The following ZEB2 variants were observed in gnomAD, a reference collection of about 807,000 sequenced individuals.
ZEB2 encodes zinc finger E-box binding homeobox 2.
Under a neutral mutation model 99.9 loss-of-function variants are expected in ZEB2, and 6 were observed. The ratio of observed to expected loss-of-function variants is 0.06; its 90% CI spans 0.03 to 0.12. The LOEUF (loss-of-function observed/expected upper bound fraction) is 0.12, where lower values mean the gene tolerates loss of function less well. ZEB2 is among the 10% of genes least tolerant of loss of function. The pLI, the probability that ZEB2 is intolerant of heterozygous loss-of-function variation, is 1.00. For missense variants in ZEB2, 969 were observed against 1,502.8 expected, an observed-to-expected ratio of 0.64 and a Z score of 5.87; for synonymous variants, 517 against 542.5, an observed-to-expected ratio of 0.95 and a Z score of 0.65.
chr2:144,424,814 C>A lies in ZEB2; in HGVS notation c.385G>T (p.Ala129Ser). Residue 129 changes from alanine (A) to serine (S), a missense_variant, in exon 4 of 10, where the codon GCA becomes TCA. Coordinates refer to ENST00000627532, the MANE Select transcript of ZEB2 (RefSeq NM_014795.4). ...AACTCACCTGTACCATTGTTAATTGCGGTCTGGATCGTGGCTTCTGGCCCC... is the reference window on the plus strand; with the variant it reads ...AACTCACCTGTACCATTGTTAATTGAGGTCTGGATCGTGGCTTCTGGCCCC... ...TMGPEATIQT[A>S]INNGTVKNAN... The A allele has an allele frequency of 6.2e-7, 1 of 1,613,960 alleles. No homozygotes were observed. The highest frequency in any genetic ancestry group is 8.5e-7 in the Non-Finnish European group (1 of 1,179,912).
intron 2 of ZEB2, among the ~76,000 whole-genome samples, chr2:144,446,743 G>A (rs1229524270): frequency 2.0e-5 from 3 of 151,902 alleles, no homozygotes; most frequent in South Asian, 2.1e-4. Flanking sequence ...GGCTGGACGC[G>A]GTGGCTCACA....
chr2:144,470,331 T>C (rs1704336618), intron 2 of ZEB2: 1 of 152,160 alleles, frequency 6.6e-6, no homozygotes, highest in Admixed American at 6.6e-5. Context: ...TTGCCTTGAA[T>C]AGAGATCACA....
At chr2:144,489,812 C>T (rs1196567367) in intron 2 of ZEB2, among the ~76,000 whole-genome samples, 1 of 152,158 alleles carries the variant, frequency 6.6e-6, no homozygotes, top group East Asian at 1.9e-4. Context: ...GTAAGCAGAA[C>T]ACAAAAGGAA....
chr2:144,469,944 C>A (rs140781958), intron 2 of ZEB2, among the ~76,000 whole-genome samples: 13 of 152,156 alleles, frequency 8.5e-5, no homozygotes, highest in Non-Finnish European at 8.8e-5. Context: ...AACAACTTCA[C>A]GCTGTATTAC....
At chr2:144,474,974 C>G (rs1704410979) in intron 2 of ZEB2, among the ~76,000 whole-genome samples, 1 of 152,116 alleles carries the variant, frequency 6.6e-6, no homozygotes, top group Admixed American at 6.5e-5. Context: ...TCATTCAAAG[C>G]TGAAGTGCAG....
In ZEB2 at chr2:144,490,121, C is replaced by T. The variant is rs77157413; in HGVS notation, c.73+27157G>A. Among the ~76,000 whole-genome samples, 1,340 of 152,206 alleles carry T rather than the reference C, an allele frequency of 8.8e-3. 8 individuals are homozygous for T. The highest frequency in any genetic ancestry group is 0.02 in the Middle Eastern group (6 of 294). Reference sequence around the variant, plus strand: ...GATATTCTAATTAAACACCTAGTTCCCTGAAAGTGATGATCATTAGAGGCA... The same window carrying T: ...GATATTCTAATTAAACACCTAGTTCTCTGAAAGTGATGATCATTAGAGGCA... On this transcript the variant is annotated intron_variant, in intron 2 of 9. Transcript: ENST00000627532.
In ZEB2 at chr2:144,403,987, A is replaced by C; in HGVS notation, c.736T>G (p.Cys246Gly). 6.2e-7 allele frequency: 1 copy of C among 1,614,106 alleles called. No individual in the cohort carries two copies. The highest frequency in any genetic ancestry group is 8.5e-7 in the Non-Finnish European group (1 of 1,180,016). The change falls in exon 6 of 10, where the codon TGT (cysteine) becomes GGT (glycine). Residue 246 changes from cysteine (C) to glycine (G), a missense_variant. By Grantham distance (159) the Cys-to-Gly change is radical. Transcript: ENST00000627532. ...KNEENFSCPL[C>G]SYTFAYRTQL... Reference sequence around the variant, plus strand: ...GTGCGGTAGGCAAACGTGTAGCTACAGAGAGGGCAGGAAAAGTTCTCTTCA... The same window carrying C: ...GTGCGGTAGGCAAACGTGTAGCTACCGAGAGGGCAGGAAAAGTTCTCTTCA...
intron 2 of ZEB2, among the ~76,000 whole-genome samples, chr2:144,485,837 T>C (rs887079571): frequency 6.6e-6 from 1 of 152,112 alleles, no homozygotes; most frequent in African/African-American, 2.4e-5. Flanking sequence ...CAGACTAGTC[T>C]CCAACTCCTG....
intron 2 of ZEB2, chr2:144,513,186 CT>C (rs1347597362): frequency 7.8e-7 from 1 of 1,286,922 alleles, no homozygotes; most frequent in Non-Finnish European, 1.0e-6. Flanking sequence ...TTCTCCGTCC[CT>C]CATTGCCTCT....
intron 2 of ZEB2, among the ~76,000 whole-genome samples, chr2:144,484,643 GGAGCATATGCCTT>G (rs570567477): frequency 4.0e-4 from 61 of 152,290 alleles, no homozygotes; most frequent in Non-Finnish European, 7.2e-4. Flanking sequence ...AATGGGGCCA[GGAGCATATGCCTT>G]TCAATTCCTT....
In ZEB2 at chr2:144,456,558, C is replaced by A. The variant is rs184145815; in HGVS notation, c.74-26532G>T. On this transcript the variant is annotated intron_variant, in intron 2 of 9. Coordinates refer to ENST00000627532, the MANE Select transcript of ZEB2 (RefSeq NM_014795.4). Reference sequence around the variant, plus strand: ...TACTGGTTCACATGGGGGACTTCCACAAATTCTTTAATATACTGTGTATCT... The same window carrying A: ...TACTGGTTCACATGGGGGACTTCCAAAAATTCTTTAATATACTGTGTATCT... 7.2e-5 allele frequency among the ~76,000 whole-genome samples: 11 copies of A among 152,116 alleles called. No homozygotes were observed. In the East Asian group the frequency reaches 2.1e-3, roughly 29 times the overall value.
chr2:144,418,610 C>T (rs532248702), intron 4 of ZEB2, among the ~76,000 whole-genome samples: 2 of 152,110 alleles, frequency 1.3e-5, no homozygotes, highest in East Asian at 3.9e-4. Flanking sequence ...ATTGCTTGAA[C>T]CCAGGAGGCG....
intron 7 of ZEB2, 129 bp from the exon 8 acceptor site, chr2:144,400,399 T>C: frequency 2.0e-6 from 2 of 997,168 alleles, no homozygotes. Flanking sequence ...TCTAGGTACT[T>C]AGATTAGAAT....
chr2:144,514,041 T>G, intron 2 of ZEB2: 2 of 708,618 alleles, frequency 2.8e-6, no homozygotes, highest in Admixed American at 3.5e-5. Context: ...ATTTCATCCT[T>G]TCCATGTGGG....
At chr2:144,478,653 G>A (rs1488045119) in intron 2 of ZEB2, among the ~76,000 whole-genome samples, 2 of 152,166 alleles carry the variant, frequency 1.3e-5, no homozygotes, top group East Asian at 3.8e-4. Context: ...AATAGCATTT[G>A]TATTCAACGC....
chr2:144,404,370 G>T lies in ZEB2; in HGVS notation c.593-240C>A, dbSNP rs533539613. 7.4e-3 allele frequency among the ~76,000 whole-genome samples: 881 copies of T among 119,558 alleles called. 6 individuals are homozygous for T. Among genetic ancestry groups the T allele is most frequent in the African/African-American group, 0.025 (818 of 32,712 alleles). The allele number at this position is 119,558 out of a possible 152,430, so 78.4% of individuals were successfully genotyped here. On this transcript the variant is annotated intron_variant, in intron 5 of 9. Transcript: ENST00000627532. The stretch of plus-strand genomic sequence containing the variant: ...TAATTACTTCAGGTTTTTTTTTTTT[G>T]GGGGGGTGGGGGGGACTTAAACAGC...
chr2:144,438,811 G>A (rs1228490901), intron 2 of ZEB2, among the ~76,000 whole-genome samples: 1 of 152,150 alleles, frequency 6.6e-6, no homozygotes, highest in Non-Finnish European at 1.5e-5. Flanking sequence ...TTACTGTGTA[G>A]TATGTTTAAA....
intron 4 of ZEB2, among the ~76,000 whole-genome samples, chr2:144,413,996 T>C (rs916161071): frequency 1.3e-5 from 2 of 152,188 alleles, no homozygotes; most frequent in Non-Finnish European, 2.9e-5. Context: ...ACAGAATTGA[T>C]GGTTAAAGAG....
chr2:144,425,884 T>C (rs1703685612), intron 3 of ZEB2, among the ~76,000 whole-genome samples: 1 of 152,160 alleles, frequency 6.6e-6, no homozygotes, highest in African/African-American at 2.4e-5. Flanking sequence ...AGGGAAACTT[T>C]GTAACTAGGA....
Sources: allele counts gnomAD v4.1 joint callset (sites outside exome capture counted in the v4.1 genomes callset), GRCh38; gene constraint gnomAD v4.1.1; transcripts MANE v1.5; gene names NCBI Gene and HGNC (gene_info 2026-07-23, HGNC 2026-07-21).